DOCK8: variants seen among roughly 807,000 people sequenced by gnomAD.
DOCK8 encodes the protein dedicator of cytokinesis protein 8.
In DOCK8, 141 loss-of-function variants were observed where a neutral mutation model predicts 245.6. That is an observed-to-expected ratio of 0.57 (90% CI 0.50 to 0.66). The LOEUF (loss-of-function observed/expected upper bound fraction) is 0.66. Among genes scored for constraint, DOCK8 ranks in the 30% least tolerant of loss-of-function variants. The probability of loss-of-function intolerance (pLI) is 0.00; values close to 1 mark genes in which losing one functional copy is unlikely to be tolerated. For synonymous variants in DOCK8, 1,168 were observed against 970.2 expected (o/e 1.20, Z -3.79); for missense variants, 2,965 against 2,603.4 (o/e 1.14, Z -3.02).
At position 377,160 on chromosome 9, in the gene DOCK8, G is replaced by C; in HGVS notation, c.2389G>C (p.Asp797His). The change falls in exon 20 of 48, where the codon GAC becomes CAC. Residue 797 changes from aspartate (D) to histidine (H), a missense_variant. Asp to His is a moderately conservative substitution (Grantham distance 81). Around this residue, in one of 3 missense-constraint regions of DOCK8, gnomAD observed 2,825 missense variants for 2,453.5 expected, o/e 1.15. Coordinates refer to ENST00000432829, the MANE Select transcript of DOCK8 (RefSeq NM_203447.4). ...CGTGCTCTTCCTGCACCTGGTGCTGGACAAGCTCTTCCAGCTGTCCGTGCA... is the reference window on the plus strand; with the variant it reads ...CGTGCTCTTCCTGCACCTGGTGCTGCACAAGCTCTTCCAGCTGTCCGTGCA... ...PLVLFLHLVL[D>H]KLFQLSVQPM... is the part of the protein sequence containing the mutation. 2 of 1,605,358 alleles carry C rather than the reference G, an allele frequency of 1.2e-6. No homozygotes were observed. Among genetic ancestry groups the C allele is most frequent in the Non-Finnish European group, 1.7e-6 (2 of 1,179,670 alleles).
At chr9:311,687 T>G (rs970747986) in intron 5 of DOCK8, among the ~76,000 whole-genome samples, 20 of 152,152 alleles carry the variant, frequency 1.3e-4, no homozygotes, top group African/African-American at 4.3e-4. Flanking sequence ...GTAGTACTGT[T>G]TTTAGTCCTT....
intron 7 of DOCK8, among the ~76,000 whole-genome samples, chr9:322,679 A>G (rs1028994216): frequency 4.6e-5 from 7 of 152,230 alleles, no homozygotes; most frequent in African/African-American, 1.7e-4. Flanking sequence ...CAGAGGACTT[A>G]CTACTCAGTA....
chr9:285,184 C>T (rs577059546), intron 2 of DOCK8, among the ~76,000 whole-genome samples: 2 of 152,270 alleles, frequency 1.3e-5, no homozygotes, highest in East Asian at 3.9e-4. Flanking sequence ...CTCATGTCTC[C>T]TCCATCATCA....
chr9:291,993 C>T (rs1376900030), intron 4 of DOCK8, among the ~76,000 whole-genome samples: 1 of 144,774 alleles, frequency 6.9e-6, no homozygotes, highest in African/African-American at 2.6e-5. Context: ...TCACTTGAGC[C>T]CAGGAGGTCA....
intron 14 of DOCK8, chr9:340,753 G>C (rs778042349): frequency 3.3e-5 from 6 of 184,550 alleles, no homozygotes; most frequent in Non-Finnish European, 5.8e-5. Context: ...AATGAAATGT[G>C]ATATTTATGT....
intron 5 of DOCK8, among the ~76,000 whole-genome samples, chr9:305,962 G>C (rs2049808811): frequency 6.6e-6 from 1 of 152,106 alleles, no homozygotes; most frequent in Non-Finnish European, 1.5e-5. Context: ...TTGTTTAATG[G>C]GTAGAGTTTC....
chr9:403,944 G>GTATA lies in DOCK8; in HGVS notation c.3235-973_3235-972insATAT, dbSNP rs1438346867. 4.4e-4 allele frequency among the ~76,000 whole-genome samples: 30 copies of GTATA among 68,362 alleles called. 1 individual carries two copies. The highest frequency in any genetic ancestry group is 2.6e-3 in the African/African-American group (28 of 10,934). The allele number at this position is 68,362 out of a possible 152,430, so 44.8% of individuals were successfully genotyped here. A position where few individuals can be genotyped will look rare whatever the true frequency, so the allele number is the denominator to read the frequency against. ...TATATATATATGTGTATATATATAT[G>GTATA]TGTATATATATATATGTATATATAT... On this transcript the variant is annotated intron_variant, in intron 26 of 47. Transcript: ENST00000432829.
At chr9:289,481 C>G (rs540869216) in intron 3 of DOCK8, 29 bp from the exon 4 acceptor site, 1 of 1,584,218 alleles carries the variant, frequency 6.3e-7, no homozygotes, top group Non-Finnish European at 8.7e-7. Flanking sequence ...CCAGTAATAA[C>G]GTGTTTATTT....
rs2047189234 is a variant in DOCK8, at chr9:234,092, G to A, written c.53+19063G>A. On this transcript the variant is annotated intron_variant, in intron 1 of 47. Coordinates refer to ENST00000432829, the MANE Select transcript of DOCK8 (RefSeq NM_203447.4). ...CAGGAGCTCTTGTAGGGCAGGCCTG[G>A]TGGTGACAAAATCTCTCAGCATTTG... Among the ~76,000 whole-genome samples the A allele has an allele frequency of 2.6e-5, 4 of 152,086 alleles. No individual in the cohort carries two copies. The South Asian group carries it at 8.3e-4, about 32-fold the overall frequency.
chr9:322,703 A>G (rs1241439412), intron 7 of DOCK8, among the ~76,000 whole-genome samples: 1 of 152,234 alleles, frequency 6.6e-6, no homozygotes, highest in African/African-American at 2.4e-5. Context: ...ACCTAAGTAT[A>G]TCACAGCAAT....
At chr9:233,422 G>A (rs1416425252) in intron 1 of DOCK8, among the ~76,000 whole-genome samples, 2 of 152,316 alleles carry the variant, frequency 1.3e-5, no homozygotes, top group East Asian at 1.9e-4. Context: ...TCTGCTTGGT[G>A]CAGAGCTGAG....
chr9:429,071 G>C (rs945264042), intron 35 of DOCK8, among the ~76,000 whole-genome samples: 1 of 152,192 alleles, frequency 6.6e-6, no homozygotes. Context: ...GGGCTCAAGC[G>C]ATTCTCATGC....
chr9:390,468 T>C lies in DOCK8; in HGVS notation c.2875-3T>C. On this transcript the variant is annotated splice_polypyrimidine_tract_variant and splice_region_variant and intron_variant, in intron 23 of 47. Transcript: ENST00000432829. The stretch of plus-strand genomic sequence containing the variant: ...CAGCCTAATTTTTGTGGTTCTTATT[T>C]AGCATTTCCATGAGGAGCTTGCCCT... 1 of 1,614,034 alleles carries C rather than the reference T, an allele frequency of 6.2e-7. No individual in the cohort carries two copies. The highest frequency in any genetic ancestry group is 8.5e-7 in the Non-Finnish European group (1 of 1,179,854).
Position 414,860 on chromosome 9 carries a change from C to G in DOCK8, c.3609C>G (p.Val1203=), listed in dbSNP as rs368545655. ...LSSHDLDPRC[V]KPEVKVKIAA... The stretch of plus-strand genomic sequence containing the variant: ...CTCACGACCTGGACCCACGCTGTGT[C>G]AAACCAGAGGTGAAGGTCAAAATCG... Residue 1203 remains valine (V), a synonymous_variant, in exon 29 of 48, where the codon GTC becomes GTG. Coordinates refer to ENST00000432829, the MANE Select transcript of DOCK8 (RefSeq NM_203447.4). 5.6e-6 allele frequency: 9 copies of G among 1,614,112 alleles called. No individual in the cohort carries two copies. The highest frequency in any genetic ancestry group is 7.6e-6 in the Non-Finnish European group (9 of 1,180,046).
chr9:379,784 G>C lies in DOCK8; in HGVS notation c.2454G>C (p.Gln818His), dbSNP rs560855027. 6.2e-7 allele frequency: 1 copy of C among 1,614,188 alleles called. No homozygotes were observed. The change falls in exon 21 of 48, where the codon CAG becomes CAC. Residue 818 changes from glutamine (Q) to histidine (H), a missense_variant. Around this residue, in one of 3 missense-constraint regions of DOCK8, gnomAD observed 2,825 missense variants for 2,453.5 expected, o/e 1.15. Coordinates refer to ENST00000432829, the MANE Select transcript of DOCK8 (RefSeq NM_203447.4). ...VIAGQTANFS[Q>H]FAFESVVAIA... ...TTGGTTCCTCAGCCAACTTCTCCCA[G>C]TTTGCCTTCGAGTCCGTGGTGGCCA... is the stretch of plus-strand genomic sequence containing the variant.
At position 406,987 on chromosome 9, in the gene DOCK8, A is replaced by C; in HGVS notation, c.3448A>C (p.Thr1150Pro). Reference protein sequence around the residue: ...DQKIASMFDLTSEYRQQHFLT... With the variant: ...DQKIASMFDLPSEYRQQHFLT... ...GAAGATCGCCAGCATGTTCGATCTG[A>C]CTTCCGAGTACCGCCAGCAGCACTT... The change falls in exon 28 of 48, where the codon ACT becomes CCT. Residue 1150 changes from threonine (T) to proline (P), a missense_variant. Around this residue, in one of 3 missense-constraint regions of DOCK8, gnomAD observed 2,825 missense variants for 2,453.5 expected, o/e 1.15. Transcript: ENST00000432829. The C allele has an allele frequency of 6.2e-7, 1 of 1,614,008 alleles. No individual in the cohort carries two copies.
chr9:403,917 CATATATATATATG>C (rs2055253368), intron 26 of DOCK8, among the ~76,000 whole-genome samples: 2 of 65,138 alleles, frequency 3.1e-5, no homozygotes, highest in African/African-American at 1.6e-4. Context: ...TATATATATA[CATATATATATATG>C]TGTATATATA....
chr9:462,893 C>T lies in DOCK8; in HGVS notation c.6069-624C>T, dbSNP rs555517837. On this transcript the variant is annotated intron_variant, in intron 46 of 47. Transcript: ENST00000432829. ...CTGACTCTTAGATCCATCACTTCCTCACAGTGTTATCTTGGGCAAGCATCC... is the reference window on the plus strand; with the variant it reads ...CTGACTCTTAGATCCATCACTTCCTTACAGTGTTATCTTGGGCAAGCATCC... Among the ~76,000 whole-genome samples, 19 of 152,326 alleles carry T rather than the reference C, an allele frequency of 1.2e-4. No individual in the cohort carries two copies. The South Asian group carries it at 3.9e-3, about 32-fold the overall frequency.
At chr9:289,461 G>C (rs371491567) in intron 3 of DOCK8, 49 bp from the exon 4 acceptor site, 1 of 1,481,644 alleles carries the variant, frequency 6.7e-7, no homozygotes, top group Admixed American at 1.7e-5. Flanking sequence ...GGGTTGTTTT[G>C]TTGTTTTACC....
Sources: allele counts gnomAD v4.1 joint callset (sites outside exome capture counted in the v4.1 genomes callset), GRCh38; gene constraint gnomAD v4.1.1; regional missense constraint gnomAD v4.1.1; transcripts MANE v1.5; gene names NCBI Gene and HGNC (gene_info 2026-07-23, HGNC 2026-07-21).